Variants in NODAL observed in about 807,000 individuals in gnomAD.
The protein encoded by NODAL is nodal growth differentiation factor, also known as nodal homolog.
NODAL carries 12 observed loss-of-function variants against 34.0 expected under a neutral mutation model. The ratio of observed to expected loss-of-function variants is 0.35; its 90% CI spans 0.23 to 0.57. NODAL has a LOEUF of 0.57. Among genes scored for constraint, NODAL ranks in the 20% least tolerant of loss-of-function variants. NODAL has a pLI of 0.83. For synonymous variants in NODAL, 162 were observed against 186.4 expected, an observed-to-expected ratio of 0.87 and a Z score of 1.07; for missense variants, 390 against 444.2, an observed-to-expected ratio of 0.88 and a Z score of 1.10.
chr10:70,438,980 G>A (rs1020354008), intron 1 of NODAL, among the ~76,000 whole-genome samples: 2 of 152,210 alleles, frequency 1.3e-5, no homozygotes, highest in Admixed American at 1.3e-4. Flanking sequence ...TAGCCACACA[G>A]ATGCCCCTGA....
At chr10:70,445,499 C>A (rs1386595304), upstream of NODAL, among the ~76,000 whole-genome samples, 3 of 152,180 alleles carry the variant, frequency 2.0e-5, no homozygotes, top group African/African-American at 7.2e-5. Flanking sequence ...ATCTTGTGAT[C>A]CACCCGCCTT....
chr10:70,445,973 T>A (rs1366752977), upstream of NODAL, among the ~76,000 whole-genome samples: 1 of 152,228 alleles, frequency 6.6e-6, no homozygotes, highest in Non-Finnish European at 1.5e-5. Flanking sequence ...ACAAAGCTCA[T>A]CCATCTCTGA....
chr10:70,446,627 A>G (rs924117166), upstream of NODAL, among the ~76,000 whole-genome samples: 3 of 152,138 alleles, frequency 2.0e-5, no homozygotes, highest in Non-Finnish European at 4.4e-5. Context: ...AATCAAGGAC[A>G]TGTGTTTAGT....
rs760261207 is a variant in NODAL at position 70,435,392 on chromosome 10, C to T, written c.785G>A (p.Gly262Asp). The change falls in exon 2 of 3, where the codon GGC becomes GAC. Residue 262 changes from glycine (G) to aspartate (D), a missense_variant. Transcript: ENST00000287139. ...CTGCTTGGGGTAGATGATCCAGGAGCCCCATCCGATCAGGTTGAAGTCCAC... is the reference window on the plus strand; with the variant it reads ...CTGCTTGGGGTAGATGATCCAGGAGTCCCATCCGATCAGGTTGAAGTCCAC... The part of the protein sequence containing the change: ...FQVDFNLIGW[G>D]SWIIYPKQYN... 1.2e-6 allele frequency: 2 copies of T among 1,614,166 alleles called. No individual in the cohort carries two copies. Among genetic ancestry groups the T allele is most frequent in the East Asian group, 2.2e-5 (1 of 44,876 alleles).
chr10:70,435,238 C>T, intron 2 of NODAL, 48 bp downstream of exon 2: 1 of 1,517,758 alleles, frequency 6.6e-7, no homozygotes, highest in Non-Finnish European at 9.0e-7. Context: ...GCCCTGTCCC[C>T]CAAGGCCAGC....
chr10:70,433,964 G>T (rs1485394982), intron 2 of NODAL, among the ~76,000 whole-genome samples: 1 of 152,110 alleles, frequency 6.6e-6, no homozygotes, highest in African/African-American at 2.4e-5. Flanking sequence ...TCTTTGTGGT[G>T]CTCCAGGTGG....
At chr10:70,444,221 C>A (rs552172441), upstream of NODAL, among the ~76,000 whole-genome samples, 2 of 152,056 alleles carry the variant, frequency 1.3e-5, no homozygotes, top group South Asian at 4.1e-4. Flanking sequence ...GCGTGAACCA[C>A]TGCGCCCGGC....
chr10:70,446,018 C>T (rs1306600956), upstream of NODAL, among the ~76,000 whole-genome samples: 3 of 152,158 alleles, frequency 2.0e-5, no homozygotes, highest in South Asian at 2.1e-4. Flanking sequence ...CCTGGAAGAA[C>T]CTGAATCTCT....
At position 70,432,642 on chromosome 10, in the gene NODAL, A is replaced by G; in HGVS notation, c.*294T>C. 1 of 448,334 alleles carries G rather than the reference A, an allele frequency of 2.2e-6. No individual in the cohort carries two copies. Among genetic ancestry groups the G allele is most frequent in the Non-Finnish European group, 4.1e-6 (1 of 242,002 alleles). The allele number at this position is 448,334 out of a possible 1,614,324, so 27.8% of individuals were successfully genotyped here. On this transcript the variant is annotated 3_prime_UTR_variant, in exon 3 of 3. Coordinates refer to ENST00000287139, the MANE Select transcript of NODAL (RefSeq NM_018055.5). ...CACAGGTTTTTAAAAAATCCAGTAA[A>G]GAACTCATGCACTTGTGCTTTTCCT...
rs1333287643 is a variant in NODAL at position 70,441,482 on chromosome 10, C to A, written c.186G>T (p.Gln62His). 1 of 1,583,786 alleles carries A rather than the reference C, an allele frequency of 6.3e-7. No homozygotes were observed. Among genetic ancestry groups the A allele is most frequent in the South Asian group, 1.1e-5 (1 of 87,030 alleles). The change falls in exon 1 of 3, where the codon CAG (glutamine) becomes CAT (histidine). Residue 62 changes from glutamine to histidine, a missense_variant. By Grantham distance (24) the Gln-to-His change is conservative. Transcript: ENST00000287139. ...GCACGCGGCACTGCCTACCTTCTGC[C>A]TGTAGGCTGCGGATGATGTCTGCCC... ...LPRADIIRSL[Q>H]AEDVAVDGQN...
upstream of NODAL, among the ~76,000 whole-genome samples, chr10:70,444,526 AG>A (rs890249771): frequency 1.3e-5 from 2 of 151,840 alleles, no homozygotes; most frequent in African/African-American, 4.8e-5. Flanking sequence ...TACTGTTAGT[AG>A]AGACAGGAGT....
intron 2 of NODAL, 123 bp downstream of exon 2, chr10:70,435,163 G>A (rs1428573033): frequency 1.2e-6 from 1 of 848,292 alleles, no homozygotes; most frequent in Non-Finnish European, 1.9e-6. Flanking sequence ...ACAGGATCCT[G>A]GTACATTGGA....
chr10:70,432,467 T>G lies in NODAL; in HGVS notation c.*469A>C, dbSNP rs986197009. The G allele has an allele frequency of 9.4e-6, 2 of 211,812 alleles. No homozygotes were observed. Among genetic ancestry groups the G allele is most frequent in the Non-Finnish European group, 1.9e-5 (2 of 104,016 alleles). The allele number at this position is 211,812 out of a possible 1,614,324, so 13.1% of individuals were successfully genotyped here. Reference sequence around the variant, plus strand: ...GGCAATGAGATTGACGGACTCTTTTTAATCTATACAGTGATCCTTAATCTT... The same window carrying G: ...GGCAATGAGATTGACGGACTCTTTTGAATCTATACAGTGATCCTTAATCTT... On this transcript the variant is annotated 3_prime_UTR_variant, in exon 3 of 3. Transcript: ENST00000287139.
At chr10:70,440,577 G>C (rs1358031065) in intron 1 of NODAL, among the ~76,000 whole-genome samples, 1 of 152,156 alleles carries the variant, frequency 6.6e-6, no homozygotes, top group East Asian at 1.9e-4. Flanking sequence ...AGGCGTGGGC[G>C]GCCGCGGCTG....
upstream of NODAL, among the ~76,000 whole-genome samples, chr10:70,445,400 G>A (rs1207664239): frequency 1.3e-5 from 2 of 152,040 alleles, no homozygotes; most frequent in Non-Finnish European, 2.9e-5. Flanking sequence ...TGGGACTACA[G>A]GCGCCCCCCA....
At chr10:70,436,869 T>C (rs1845363901) in intron 1 of NODAL, among the ~76,000 whole-genome samples, 1 of 152,118 alleles carries the variant, frequency 6.6e-6, no homozygotes, top group Non-Finnish European at 1.5e-5. Context: ...AGTTGCCCCT[T>C]TACAATACAA....
chr10:70,442,094 A>C (rs1393298375), upstream of NODAL, among the ~76,000 whole-genome samples: 1 of 152,216 alleles, frequency 6.6e-6, no homozygotes, highest in Non-Finnish European at 1.5e-5. Context: ...CTCAAGAAGC[A>C]GGAAGAGAAT....
At chr10:70,433,215 T>G in intron 2 of NODAL, 127 bp from the exon 3 acceptor site, 1 of 1,025,362 alleles carries the variant, frequency 9.8e-7, no homozygotes, top group South Asian at 1.3e-5. Context: ...AGCAGAAAAT[T>G]ATTTTCATAA....
chr10:70,434,597 A>G (rs1425102934), intron 2 of NODAL, among the ~76,000 whole-genome samples: 2 of 152,214 alleles, frequency 1.3e-5, no homozygotes, highest in Non-Finnish European at 2.9e-5. Flanking sequence ...TCCTGACCTC[A>G]GGTGATCCGC....
Sources: gnomAD v4.1 joint callset for allele counts (sites outside exome capture counted in the v4.1 genomes callset) on GRCh38, gnomAD v4.1.1 for gene constraint, MANE v1.5 for transcripts, NCBI Gene and HGNC (gene_info 2026-07-23, HGNC 2026-07-21) for gene names.